The following DPP10 variants were observed in gnomAD, a reference collection of about 807,000 sequenced individuals.
DPP10 encodes the protein dipeptidyl peptidase like 10.
A neutral mutation model predicts 120.9 loss-of-function variants in DPP10; 33 were observed. That is an observed-to-expected ratio of 0.27 (90% CI 0.21 to 0.37). The LOEUF (loss-of-function observed/expected upper bound fraction) is 0.37, where lower values mean the gene tolerates loss of function less well. Ranked by LOEUF, DPP10 falls within the 10% of genes least tolerant of loss-of-function variation. DPP10 has a pLI of 1.00. For synonymous variants in DPP10, 337 were observed against 326.1 expected (o/e 1.03, Z -0.36); for missense variants, 816 against 942.8 (o/e 0.87, Z 1.76).
chr2:114,734,585 A>G (rs1337861333), intron 1 of DPP10, among the ~76,000 whole-genome samples: 1 of 152,208 alleles, frequency 6.6e-6, no homozygotes, highest in Non-Finnish European at 1.5e-5. Flanking sequence ...ACCACCTTGG[A>G]CACATGTTCT....
At chr2:114,496,716 G>A (rs1682548711) in intron 1 of DPP10, among the ~76,000 whole-genome samples, 1 of 151,934 alleles carries the variant, frequency 6.6e-6, no homozygotes, top group African/African-American at 2.4e-5. Flanking sequence ...CCATAGCAGG[G>A]TACTTTGCCA....
intron 1 of DPP10, among the ~76,000 whole-genome samples, chr2:114,990,550 C>A (rs912474713): frequency 6.6e-6 from 1 of 151,914 alleles, no homozygotes; most frequent in Non-Finnish European, 1.5e-5. Flanking sequence ...GGATTTTCTG[C>A]GATTTCTTTA....
intron 1 of DPP10, among the ~76,000 whole-genome samples, chr2:114,609,933 G>A (rs1461310122): frequency 1.3e-5 from 2 of 152,148 alleles, no homozygotes; most frequent in African/African-American, 4.8e-5. Context: ...ATCCTTTGAT[G>A]CCCTCACCTC....
intron 1 of DPP10, among the ~76,000 whole-genome samples, chr2:114,699,193 C>T (rs904951822): frequency 1.3e-5 from 2 of 152,060 alleles, no homozygotes; most frequent in African/African-American, 2.4e-5. Flanking sequence ...GAATAACATG[C>T]TATATACATC....
intron 1 of DPP10, among the ~76,000 whole-genome samples, chr2:114,692,601 G>T (rs1382307654): frequency 2.0e-5 from 3 of 152,092 alleles, no homozygotes; most frequent in Non-Finnish European, 4.4e-5. Flanking sequence ...AGGTCTGCTT[G>T]ATCCAGAGCT....
intron 3 of DPP10, among the ~76,000 whole-genome samples, chr2:115,382,504 G>T (rs544102377): frequency 6.6e-6 from 1 of 152,212 alleles, no homozygotes; most frequent in African/African-American, 2.4e-5. Context: ...TGGAAATGCA[G>T]AAATCACTGG....
intron 3 of DPP10, among the ~76,000 whole-genome samples, chr2:115,395,539 CCT>C (rs1317030258): frequency 6.6e-6 from 1 of 152,054 alleles, no homozygotes; most frequent in East Asian, 1.9e-4. Context: ...CCAGGCCTTC[CCT>C]GTTTGTTTTA....
chr2:114,629,391 A>G (rs1573831972), intron 1 of DPP10, among the ~76,000 whole-genome samples: 1 of 152,296 alleles, frequency 6.6e-6, no homozygotes, highest in East Asian at 1.9e-4. Flanking sequence ...TGCTTAATAT[A>G]TGTATTTAAA....
chr2:115,727,399 G>T (rs1472490797), intron 7 of DPP10, among the ~76,000 whole-genome samples: 2 of 152,048 alleles, frequency 1.3e-5, no homozygotes, highest in East Asian at 3.9e-4. Flanking sequence ...ATGCATTTTT[G>T]TAAAAGTAAA....
At chr2:114,978,780 GGT>G (rs1268762286) in intron 1 of DPP10, among the ~76,000 whole-genome samples, 7 of 152,022 alleles carry the variant, frequency 4.6e-5, no homozygotes, top group Admixed American at 2.0e-4. Context: ...TCATGACATT[GGT>G]AGATAATTTT....
At chr2:115,811,486 C>A (rs1686636814) in intron 19 of DPP10, among the ~76,000 whole-genome samples, 1 of 152,158 alleles carries the variant, frequency 6.6e-6, no homozygotes, top group South Asian at 2.1e-4. Flanking sequence ...TAAACTCTAT[C>A]TTAAAATAAT....
At chr2:114,534,312 C>T (rs1291323179) in intron 1 of DPP10, among the ~76,000 whole-genome samples, 1 of 152,012 alleles carries the variant, frequency 6.6e-6, no homozygotes, top group Non-Finnish European at 1.5e-5. Context: ...TCCTTTGGGT[C>T]TCTGTATTCT....
At chr2:114,769,149 A>C (rs541627986) in intron 1 of DPP10, among the ~76,000 whole-genome samples, 4 of 152,334 alleles carry the variant, frequency 2.6e-5, no homozygotes, top group Non-Finnish European at 5.9e-5. Context: ...AGTAGATTAA[A>C]TGAATGAAGG....
chr2:115,440,535 G>C (rs1376233551), intron 3 of DPP10, among the ~76,000 whole-genome samples: 2 of 152,184 alleles, frequency 1.3e-5, no homozygotes, highest in Non-Finnish European at 1.5e-5. Flanking sequence ...GATGAATCAA[G>C]AGTCCTTTAT....
intron 1 of DPP10, among the ~76,000 whole-genome samples, chr2:115,050,736 C>T (rs568593550): frequency 6.6e-6 from 1 of 152,250 alleles, no homozygotes; most frequent in East Asian, 1.9e-4. Flanking sequence ...CACTGACTAA[C>T]CTTCGGTCTC....
At chr2:114,866,358 A>T (rs998014999) in intron 1 of DPP10, among the ~76,000 whole-genome samples, 1 of 151,902 alleles carries the variant, frequency 6.6e-6, no homozygotes, top group South Asian at 2.1e-4. Flanking sequence ...GTTAACATAC[A>T]TGTGAAAAAA....
intron 1 of DPP10, among the ~76,000 whole-genome samples, chr2:114,935,323 T>C (rs1271852849): frequency 5.3e-5 from 8 of 152,146 alleles, no homozygotes; most frequent in African/African-American, 1.9e-4. Context: ...ATTTCAGCCC[T>C]TATTTTTACT....
At chr2:115,061,219 C>T (rs1208810245) in intron 1 of DPP10, among the ~76,000 whole-genome samples, 1 of 152,170 alleles carries the variant, frequency 6.6e-6, no homozygotes, top group Non-Finnish European at 1.5e-5. Context: ...CCTATTTATG[C>T]ACTTGTTTAA....
chr2:115,542,756 T>C (rs1175945979), intron 5 of DPP10, among the ~76,000 whole-genome samples: 1 of 151,736 alleles, frequency 6.6e-6, no homozygotes, highest in Non-Finnish European at 1.5e-5. Context: ...CTCTACAGTT[T>C]GTGGTAACTG....
Sources: allele counts gnomAD v4.1 joint callset (sites outside exome capture counted in the v4.1 genomes callset), GRCh38; gene constraint gnomAD v4.1.1; transcripts MANE v1.5; gene names NCBI Gene and HGNC (gene_info 2026-07-23, HGNC 2026-07-21).